The following GRIA3 variants were observed in gnomAD, a reference collection of about 807,000 sequenced individuals.
The protein encoded by GRIA3 is glutamate receptor 3.
A neutral mutation model predicts 63.0 loss-of-function variants in GRIA3; 3 were observed. The observed-to-expected ratio is 0.05, with a 90% CI of 0.02 to 0.12. The LOEUF is 0.12. Ranked by LOEUF, GRIA3 falls within the 10% of genes least tolerant of loss-of-function variation. The probability of loss-of-function intolerance (pLI) is 1.00; values close to 1 mark genes in which losing one functional copy is unlikely to be tolerated. For synonymous variants in GRIA3, 274 were observed against 257.9 expected (o/e 1.06, Z -0.60); for missense variants, 347 against 700.9 (o/e 0.50, Z 5.70).
chrX:123,484,519 C>T (rs929128406), intron 15 of GRIA3, among the ~76,000 whole-genome samples: 3 of 111,783 alleles, frequency 2.7e-5, no homozygotes, highest in African/African-American at 9.8e-5. Flanking sequence ...TTCACTCTAT[C>T]GCCCAGGCTG....
chrX:123,217,160 C>T (rs1018837764), intron 2 of GRIA3, among the ~76,000 whole-genome samples: 18 of 111,468 alleles, frequency 1.6e-4, no homozygotes, highest in Non-Finnish European at 2.8e-4. Flanking sequence ...CCTCCCTGAG[C>T]CAGCAAAGTC....
intron 2 of GRIA3, among the ~76,000 whole-genome samples, chrX:123,233,487 CTTGT>C (rs1382114419): frequency 9.0e-6 from 1 of 111,437 alleles, no homozygotes; most frequent in Non-Finnish European, 1.9e-5. Context: ...GCCTCAGTTT[CTTGT>C]TTATCTCCCA....
intron 5 of GRIA3, among the ~76,000 whole-genome samples, chrX:123,390,259 T>C (rs2045378087): frequency 9.0e-6 from 1 of 111,638 alleles, no homozygotes; most frequent in Admixed American, 9.5e-5. Context: ...ATTTTCATTA[T>C]GGTATATACT....
intron 10 of GRIA3, among the ~76,000 whole-genome samples, chrX:123,414,962 G>A (rs1474008269): frequency 8.9e-6 from 1 of 111,736 alleles, no homozygotes; most frequent in Non-Finnish European, 1.9e-5. Context: ...GGGTCAAATG[G>A]TATTTCTAGT....
At chrX:123,354,568 G>C (rs1483124879) in intron 4 of GRIA3, among the ~76,000 whole-genome samples, 1 of 111,309 alleles carries the variant, frequency 9.0e-6, no homozygotes, top group Non-Finnish European at 1.9e-5. Flanking sequence ...GCAAAGTTCA[G>C]CTGATTTTCC....
At position 123,482,927 on chromosome X, in the gene GRIA3, C is replaced by T; in HGVS notation, c.2568C>T (p.Arg856=). 1 of 1,210,493 alleles carries T rather than the reference C, an allele frequency of 8.3e-7. No individual in the cohort carries two copies. The highest frequency in any genetic ancestry group is 1.1e-6 in the Non-Finnish European group (1 of 894,828). The part of the protein sequence containing the change: ...FCYKSRAESK[R]MKLTKNTQNF... ...ACAAATCACGGGCAGAGTCCAAACG[C>T]ATGAAACTCACAAAGAACACCCAAA... The change falls in exon 15 of 16, where the codon CGC becomes CGT. Residue 856 remains arginine (R), a synonymous_variant. Coordinates refer to ENST00000620443, the MANE Select transcript of GRIA3 (RefSeq NM_007325.5).
At chrX:123,451,792 G>T (rs1194050555) in intron 12 of GRIA3, among the ~76,000 whole-genome samples, 1 of 109,821 alleles carries the variant, frequency 9.1e-6, no homozygotes, top group Non-Finnish European at 1.9e-5. Context: ...GGGTGGGGGA[G>T]AATCAAGAGA....
intron 3 of GRIA3, among the ~76,000 whole-genome samples, chrX:123,297,901 G>A (rs1000746574): frequency 7.3e-5 from 8 of 109,453 alleles, no homozygotes; most frequent in African/African-American, 2.0e-4. Flanking sequence ...AGAGGCCCCC[G>A]TATGTGTTTT....
intron 2 of GRIA3, among the ~76,000 whole-genome samples, chrX:123,220,890 G>C (rs1405249755): frequency 8.9e-6 from 1 of 111,893 alleles, no homozygotes; most frequent in Non-Finnish European, 1.9e-5. Context: ...TGAGTACATG[G>C]AAACCAGCAC....
chrX:123,292,539 C>T (rs956678012), intron 3 of GRIA3, among the ~76,000 whole-genome samples: 2 of 110,857 alleles, frequency 1.8e-5, no homozygotes, highest in African/African-American at 6.6e-5. Context: ...TCATTAAGAG[C>T]TCCAGAATGA....
intron 4 of GRIA3, among the ~76,000 whole-genome samples, chrX:123,339,309 T>G (rs994284374): frequency 8.9e-6 from 1 of 112,345 alleles, no homozygotes; most frequent in Non-Finnish European, 1.9e-5. Flanking sequence ...AAGGCTATTA[T>G]GCACAATCCT....
chrX:123,459,984 T>C (rs1316155531), intron 12 of GRIA3, among the ~76,000 whole-genome samples: 1 of 111,818 alleles, frequency 8.9e-6, no homozygotes, highest in Non-Finnish European at 1.9e-5. Context: ...TTTTTGAGAA[T>C]TCAGTCATCA....
chrX:123,229,338 G>T (rs1047979373), intron 2 of GRIA3, among the ~76,000 whole-genome samples: 2 of 112,141 alleles, frequency 1.8e-5, no homozygotes, highest in Non-Finnish European at 3.8e-5. Flanking sequence ...ATTTATTAGA[G>T]AAAAACCATA....
chrX:123,259,431 T>C (rs751695218), intron 3 of GRIA3, among the ~76,000 whole-genome samples: 2 of 110,262 alleles, frequency 1.8e-5, no homozygotes, highest in African/African-American at 6.6e-5. Context: ...ATCTTCCTTC[T>C]CTTTCTTCGC....
chrX:123,453,424 G>A (rs1168495158), intron 12 of GRIA3, among the ~76,000 whole-genome samples: 1 of 110,589 alleles, frequency 9.0e-6, no homozygotes, highest in African/African-American at 3.3e-5. Flanking sequence ...ATAGCATTAG[G>A]AGATATACCT....
At chrX:123,376,009 T>C (rs1027820551) in intron 5 of GRIA3, among the ~76,000 whole-genome samples, 3 of 112,262 alleles carry the variant, frequency 2.7e-5, no homozygotes, top group African/African-American at 6.5e-5. Flanking sequence ...AGTGTTGTCA[T>C]AGGCAATAAA....
At chrX:123,279,913 A>G (rs2044575452) in intron 3 of GRIA3, among the ~76,000 whole-genome samples, 1 of 112,002 alleles carries the variant, frequency 8.9e-6, no homozygotes, top group South Asian at 3.8e-4. Flanking sequence ...TCAAATTGAT[A>G]CAACATTATA....
At chrX:123,266,243 C>A (rs1227028263) in intron 3 of GRIA3, among the ~76,000 whole-genome samples, 1 of 111,998 alleles carries the variant, frequency 8.9e-6, no homozygotes, top group Admixed American at 9.5e-5. Flanking sequence ...TCCAGAGGCC[C>A]CAACCTCTCT....
In GRIA3 at chrX:123,354,905, T is replaced by C; in HGVS notation, c.697-5T>C. On this transcript the variant is annotated splice_polypyrimidine_tract_variant and splice_region_variant and intron_variant, in intron 4 of 15. Coordinates refer to ENST00000620443, the MANE Select transcript of GRIA3 (RefSeq NM_007325.5). ...AGCAATATGTCTTATTTCTTCTTTCTGCAGGTTGTGATCCTAGGGAAACAC... is the reference window on the plus strand; with the variant it reads ...AGCAATATGTCTTATTTCTTCTTTCCGCAGGTTGTGATCCTAGGGAAACAC... 8.4e-7 allele frequency: 1 copy of C among 1,184,473 alleles called. No individual in the cohort carries two copies. Among genetic ancestry groups the C allele is most frequent in the Non-Finnish European group, 1.1e-6 (1 of 870,489 alleles).
Sources: allele counts gnomAD v4.1 joint callset (sites outside exome capture counted in the v4.1 genomes callset), GRCh38; gene constraint gnomAD v4.1.1; transcripts MANE v1.5; gene names NCBI Gene and HGNC (gene_info 2026-07-23, HGNC 2026-07-21).